Variants in ABCC11 observed in about 807,000 individuals in gnomAD.
ABCC11 encodes the protein ATP binding cassette subfamily C member 11.
A neutral mutation model predicts 149.3 loss-of-function variants in ABCC11; 135 were observed. The observed-to-expected ratio is 0.90, with a 90% confidence interval of 0.79 to 1.04. The LOEUF is 1.04. ABCC11 is among the 50% of genes least tolerant of loss of function. ABCC11 has a pLI of 0.00. For synonymous variants in ABCC11, 665 were observed against 671.4 expected (o/e 0.99, Z 0.15); for missense variants, 1,680 against 1,722.1 (o/e 0.98, Z 0.43).
At position 48,175,341 on chromosome 16, in the gene ABCC11, G is replaced by A. The variant is rs1462206715; in HGVS notation, c.3615C>T (p.Asp1205=). The change falls in exon 26 of 30, where the codon GAC becomes GAT. Residue 1205 remains aspartate (D), a synonymous_variant. Transcript: ENST00000356608. The stretch of plus-strand genomic sequence containing the variant: ...AGTCCTCCAGGCCGATGCTGCAAAT[G>A]TCCACGCCGTCAATGAGAATCCGGC... ...MAGRILIDGV[D]ICSIGLEDLR... The A allele has an allele frequency of 1.9e-6, 3 of 1,614,042 alleles. No individual in the cohort carries two copies. Among genetic ancestry groups the A allele is most frequent in the Admixed American group, 1.7e-5 (1 of 60,002 alleles).
Position 48,208,409 on chromosome 16 carries a change from G to A in ABCC11, c.1680+16C>T. 1 of 1,614,008 alleles carries A rather than the reference G, an allele frequency of 6.2e-7. No homozygotes were observed. Among genetic ancestry groups the A allele is most frequent in the Non-Finnish European group, 8.5e-7 (1 of 1,179,934 alleles). ...CTGCCTGCAGACAGGCAAGCATGTG[G>A]CCACAGATCACTTACCTCCTCCAGG... is the stretch of plus-strand genomic sequence containing the variant. On this transcript the variant is annotated intron_variant, in intron 12 of 29. Transcript: ENST00000356608.
chr16:48,210,933 C>A lies in ABCC11; in HGVS notation c.1608+15G>T. ...CCTGGCAGCTGGCCTGCCTGCGTGG[C>A]CTGAACAAGGCTACCTTGGACACCA... On this transcript the variant is annotated intron_variant, in intron 11 of 29. Transcript: ENST00000356608. 6.2e-7 allele frequency: 1 copy of A among 1,611,074 alleles called. No individual in the cohort carries two copies. Among genetic ancestry groups the A allele is most frequent in the African/African-American group, 1.3e-5 (1 of 75,004 alleles).
At chr16:48,207,584 T>C (rs1393658261) in intron 12 of ABCC11, among the ~76,000 whole-genome samples, 1 of 151,706 alleles carries the variant, frequency 6.6e-6, no homozygotes, top group Non-Finnish European at 1.5e-5. Context: ...TGAGAATCAC[T>C]TGAACCCTGG....
At position 48,247,352 on chromosome 16, in the gene ABCC11, G is replaced by C. The variant is rs1177068821; in HGVS notation, c.-57C>G. Reference sequence around the variant, plus strand: ...TGGTAGCCCAGAGGCCAGAAGAGGGGCTCTGTTCCTTTCTCTTGTTTCCTT... The same window carrying C: ...TGGTAGCCCAGAGGCCAGAAGAGGGCCTCTGTTCCTTTCTCTTGTTTCCTT... On this transcript the variant is annotated 5_prime_UTR_variant, in exon 1 of 30. Transcript: ENST00000356608. The C allele has an allele frequency of 1.3e-5, 2 of 152,560 alleles. No individual in the cohort carries two copies. The highest frequency in any genetic ancestry group is 2.4e-5 in the African/African-American group (1 of 41,496). 9.5% of individuals were successfully genotyped at this position (152,560 alleles called of 1,614,324 possible).
chr16:48,235,089 C>A (rs1970621330), intron 1 of ABCC11: 1 of 152,174 alleles, frequency 6.6e-6, no homozygotes, highest in African/African-American at 2.4e-5. Flanking sequence ...TGAGGAAGAC[C>A]AGATTTATAA....
Position 48,167,520 on chromosome 16 carries a change from G to A in ABCC11, c.4032C>T (p.His1344=). 2 of 1,614,158 alleles carry A rather than the reference G, an allele frequency of 1.2e-6. No homozygotes were observed. Among genetic ancestry groups the A allele is most frequent in the Non-Finnish European group, 1.7e-6 (2 of 1,180,034 alleles). Residue 1344 remains histidine (H), a synonymous_variant, in exon 29 of 30, where the codon CAC becomes CAT. Coordinates refer to ENST00000356608, the MANE Select transcript of ABCC11 (RefSeq NM_001370497.1). ...HRVTTVLNCD[H]ILVMGNGKVV... is the part of the protein sequence containing the mutation. Reference sequence around the variant, plus strand: ...CCTTCCCATTGCCCATAACCAGGATGTGGTCACAGTTCAGCACAGTGGTGA... The same window carrying A: ...CCTTCCCATTGCCCATAACCAGGATATGGTCACAGTTCAGCACAGTGGTGA...
At chr16:48,230,286 G>A in intron 3 of ABCC11, 151 bp downstream of exon 3, 1 of 871,824 alleles carries the variant, frequency 1.1e-6, no homozygotes, top group Non-Finnish European at 1.6e-6. Context: ...CTATGACGAT[G>A]TGCCTCCCTG....
intron 3 of ABCC11, among the ~76,000 whole-genome samples, chr16:48,228,702 G>A (rs1377416618): frequency 6.6e-6 from 1 of 152,180 alleles, no homozygotes; most frequent in African/African-American, 2.4e-5. Flanking sequence ...GCTGATAGTG[G>A]TTGACATTGA....
rs1442323499 is a variant in ABCC11 at position 48,178,639 on chromosome 16, C to T, written c.3306G>A (p.Glu1102=). 1 of 1,614,174 alleles carries T rather than the reference C, an allele frequency of 6.2e-7. No individual in the cohort carries two copies. The highest frequency in any genetic ancestry group is 1.7e-5 in the Admixed American group (1 of 60,028). ...TCCTCTCTACAGCCGTGAACTGTGC[C>T]TCTGTCTCCAAGCCAATCCGGGCAG... The part of the protein sequence containing the change: ...QATARIGLET[E]AQFTAVERIL... The change falls in exon 24 of 30, where the codon GAG becomes GAA. Residue 1102 remains glutamate, a synonymous_variant. Transcript: ENST00000356608.
At chr16:48,178,768 T>G in intron 23 of ABCC11, 82 bp from the exon 24 acceptor site, 1 of 1,236,506 alleles carries the variant, frequency 8.1e-7, no homozygotes, top group Non-Finnish European at 1.2e-6. Flanking sequence ...AACCACTGAT[T>G]GCCATTGCCC....
chr16:48,175,165 G>A lies in ABCC11; in HGVS notation c.3698+93C>T, dbSNP rs917080774. On this transcript the variant is annotated intron_variant, in intron 26 of 29. Transcript: ENST00000356608. The stretch of plus-strand genomic sequence containing the variant: ...AGGCCAAGGAGGCCTGGAAATCGGG[G>A]CATTGGTCACCAGCTCACTATAGGC... 3.3e-5 allele frequency: 49 copies of A among 1,475,890 alleles called. No individual in the cohort carries two copies. In the African/African-American group the frequency reaches 6.5e-4, roughly 20 times the overall value. 91.4% of individuals were successfully genotyped at this position (1,475,890 alleles called of 1,614,324 possible). A position where few individuals can be genotyped will look rare whatever the true frequency, so the allele number is the denominator to read the frequency against.
intron 1 of ABCC11, among the ~76,000 whole-genome samples, chr16:48,241,214 G>C (rs1275444233): frequency 6.6e-6 from 1 of 152,192 alleles, no homozygotes; most frequent in Non-Finnish European, 1.5e-5. Flanking sequence ...GGGATTGCAG[G>C]TGTGAGCCAC....
rs764836672 is a variant in ABCC11 at position 48,216,132 on chromosome 16, G to A, written c.933C>T (p.Leu311=). ...ACATTACCGCCAGTGGGAAAACCAG[G>A]AGATAGCATAAGATGGCAATAAATG... ...YTAFIAILCY[L]LVFPLAVFMT... Residue 311 remains leucine (L), a synonymous_variant, in exon 7 of 30, where the codon CTC becomes CTT. Transcript: ENST00000356608. 13 of 1,614,110 alleles carry A rather than the reference G, an allele frequency of 8.1e-6. No homozygotes were observed. Among genetic ancestry groups the A allele is most frequent in the Middle Eastern group, 1.6e-4 (1 of 6,062 alleles).
intron 14 of ABCC11, 112 bp from the exon 15 acceptor site, chr16:48,200,591 G>T (rs1967880093): frequency 1.9e-6 from 2 of 1,061,716 alleles, no homozygotes; most frequent in East Asian, 5.2e-5. Flanking sequence ...ACCAAGATAT[G>T]CACACACTCC....
intron 23 of ABCC11, among the ~76,000 whole-genome samples, chr16:48,181,539 C>A (rs546662134): frequency 6.6e-6 from 1 of 152,102 alleles, no homozygotes; most frequent in East Asian, 1.9e-4. Context: ...AGAGGTTAAC[C>A]AATTTACCCA....
chr16:48,214,704 AC>A (rs1304487167), intron 9 of ABCC11, among the ~76,000 whole-genome samples, 176 bp downstream of exon 9: 5 of 152,104 alleles, frequency 3.3e-5, no homozygotes, highest in African/African-American at 9.7e-5. Context: ...CCAAGATGTC[AC>A]TTTTTCAGAT....
chr16:48,192,731 C>G lies in ABCC11; in HGVS notation c.2509-14G>C, dbSNP rs1290861712. Reference sequence around the variant, plus strand: ...GCTGCTATTGGTCTTCAAGAAAGAACAGGGGGTCTGACTGCAGGTGTCCGG... The same window carrying G: ...GCTGCTATTGGTCTTCAAGAAAGAAGAGGGGGTCTGACTGCAGGTGTCCGG... On this transcript the variant is annotated splice_polypyrimidine_tract_variant and intron_variant, in intron 19 of 29. Coordinates refer to ENST00000356608, the MANE Select transcript of ABCC11 (RefSeq NM_001370497.1). The G allele has an allele frequency of 1.2e-6, 2 of 1,613,736 alleles. No individual in the cohort carries two copies. The highest frequency in any genetic ancestry group is 1.7e-6 in the Non-Finnish European group (2 of 1,179,788).
At chr16:48,209,017 TAC>T (rs1464114586) in intron 11 of ABCC11, among the ~76,000 whole-genome samples, 3 of 152,158 alleles carry the variant, frequency 2.0e-5, no homozygotes, top group African/African-American at 7.2e-5. Context: ...ACAGAGAGAC[TAC>T]ATAAATAAAT....
Position 48,200,479 on chromosome 16 carries a change from T to C in ABCC11, c.1879A>G (p.Ile627Val), listed in dbSNP as rs1967866295. ...GAGAGGTTGAGGCCCCGCTCTCCAA[T>C]CTGCAGACAGGCAGTAAAAGGCACC... is the stretch of plus-strand genomic sequence containing the variant. Reference protein sequence around the residue: ...ELLPFGDMTEIGERGLNLSGG... With the variant: ...ELLPFGDMTEVGERGLNLSGG... The change falls in exon 15 of 30, where the codon ATT becomes GTT. Residue 627 changes from isoleucine to valine, a missense_variant and splice_region_variant. Physicochemically the swap from Ile to Val is conservative, Grantham distance 29. Transcript: ENST00000356608. 2 of 1,613,848 alleles carry C rather than the reference T, an allele frequency of 1.2e-6. No individual in the cohort carries two copies. The highest frequency in any genetic ancestry group is 1.7e-6 in the Non-Finnish European group (2 of 1,179,914).
Sources: allele counts gnomAD v4.1 joint callset (sites outside exome capture counted in the v4.1 genomes callset), GRCh38; gene constraint gnomAD v4.1.1; transcripts MANE v1.5; gene names NCBI Gene and HGNC (gene_info 2026-07-23, HGNC 2026-07-21).